Variants in DCTPP1 observed in about 807,000 individuals in gnomAD.
The protein encoded by DCTPP1 is dCTP pyrophosphatase 1.
A neutral mutation model predicts 8.8 loss-of-function variants in DCTPP1; 8 were observed. The observed-to-expected ratio is 0.91, with a 90% CI of 0.54 to 1.64. The LOEUF (loss-of-function observed/expected upper bound fraction) is 1.64. Among genes scored for constraint, DCTPP1 ranks in the 40% most tolerant of loss-of-function variants. The probability of loss-of-function intolerance (pLI) is 0.00; values close to 1 mark genes in which losing one functional copy is unlikely to be tolerated. For missense variants in DCTPP1, 231 were observed against 230.4 expected, an observed-to-expected ratio of 1.00 and a Z score of -0.02; for synonymous variants, 85 against 92.1, an observed-to-expected ratio of 0.92 and a Z score of 0.44.
chr16:30,427,645 T>C (rs1597038097), intron 2 of DCTPP1, among the ~76,000 whole-genome samples: 1 of 152,224 alleles, frequency 6.6e-6, no homozygotes, highest in Non-Finnish European at 1.5e-5. Context: ...CCTTTCTGCC[T>C]TGTTCCAGGC....
At chr16:30,429,283 C>G (rs956010620) in intron 1 of DCTPP1, 116 bp from the exon 2 acceptor site, 2 of 973,300 alleles carry the variant, frequency 2.1e-6, no homozygotes, top group African/African-American at 3.3e-5. Flanking sequence ...GATTCTGCAA[C>G]TAATTCATTG....
At position 30,430,020 on chromosome 16, in the gene DCTPP1, G is replaced by C; in HGVS notation, c.-40C>G. 1 of 1,422,234 alleles carries C rather than the reference G, an allele frequency of 7.0e-7. No homozygotes were observed. The highest frequency in any genetic ancestry group is 9.2e-7 in the Non-Finnish European group (1 of 1,083,980). The allele number at this position is 1,422,234 out of a possible 1,614,324, so 88.1% of individuals were successfully genotyped here. ...CACCGCGACTTCACGGAAAACCCAC[G>C]AGCCACGCTCGAAGCCCCGCCTCCA... On this transcript the variant is annotated 5_prime_UTR_variant, in exon 1 of 3. Transcript: ENST00000319285.
chr16:30,428,744 G>C, intron 2 of DCTPP1: 1 of 408,412 alleles, frequency 2.4e-6, no homozygotes, highest in Non-Finnish European at 4.3e-6. Flanking sequence ...TCCAGCCTGG[G>C]CGACAGAGCG....
In DCTPP1 at chr16:30,424,294, T is replaced by G. The variant is rs2050179673; in HGVS notation, c.452A>C (p.Glu151Ala). Residue 151 changes from glutamate to alanine, a missense_variant, in exon 3 of 3, where the codon GAA (glutamate) becomes GCA (alanine). Transcript: ENST00000319285. ...GTCCGCAGGCCCCACAGCCTGGTCTTCAGAGATGGCCCCATGGGGCAATTC... is the reference window on the plus strand; with the variant it reads ...GTCCGCAGGCCCCACAGCCTGGTCTGCAGAGATGGCCCCATGGGGCAATTC... ...YTELPHGAIS[E>A]DQAVGPADIP... is the part of the protein sequence containing the mutation. The G allele has an allele frequency of 1.9e-6, 3 of 1,614,118 alleles. No individual in the cohort carries two copies. The highest frequency in any genetic ancestry group is 1.7e-5 in the Admixed American group (1 of 60,012).
intron 1 of DCTPP1, 176 bp from the exon 2 acceptor site, chr16:30,429,343 C>T: frequency 3.4e-6 from 2 of 584,112 alleles, no homozygotes; most frequent in Non-Finnish European, 2.9e-6. Context: ...GTTCCCTCAT[C>T]TATAAAATGG....
At chr16:30,429,225 G>T in intron 1 of DCTPP1, 58 bp from the exon 2 acceptor site, 1 of 1,568,716 alleles carries the variant, frequency 6.4e-7, no homozygotes, top group Non-Finnish European at 8.7e-7. Flanking sequence ...TGATGCAGGG[G>T]CCAGAGGCAG....
chr16:30,429,753 G>C, intron 1 of DCTPP1, 127 bp downstream of exon 1: 1 of 889,298 alleles, frequency 1.1e-6, no homozygotes, highest in Non-Finnish European at 1.7e-6. Flanking sequence ...CTCACCCAGG[G>C]ACAGCCCACA....
chr16:30,427,585 T>C (rs1033070155), intron 2 of DCTPP1, among the ~76,000 whole-genome samples: 2 of 152,226 alleles, frequency 1.3e-5, no homozygotes, highest in Non-Finnish European at 2.9e-5. Flanking sequence ...GATCTTCTAA[T>C]ATGAGATTAC....
intron 1 of DCTPP1, 168 bp downstream of exon 1, chr16:30,429,704 GTGCACCGC>G (rs973318237): frequency 1.7e-4 from 99 of 596,086 alleles, no homozygotes; most frequent in Non-Finnish European, 2.5e-4. Flanking sequence ...TGCCTCAGGT[GTGCACCGC>G]TGCGCCCATT....
At chr16:30,425,189 T>C (rs1435583166) in intron 2 of DCTPP1, among the ~76,000 whole-genome samples, 4 of 151,866 alleles carry the variant, frequency 2.6e-5, no homozygotes, top group Non-Finnish European at 5.9e-5. Context: ...CCACACCATC[T>C]TTTAAAAGCA....
At position 30,424,523 on chromosome 16, in the gene DCTPP1, T is replaced by C. The variant is rs1490634992; in HGVS notation, c.223A>G (p.Thr75Ala). The change falls in exon 3 of 3, where the codon ACC becomes GCC. Residue 75 changes from threonine to alanine, a missense_variant. Coordinates refer to ENST00000319285, the MANE Select transcript of DCTPP1 (RefSeq NM_024096.2). The stretch of plus-strand genomic sequence containing the variant: ...CCTTGGGGGCCAGGTTCCCCATCGG[T>C]TTTCCACTGACTAGGGGCAGAACAC... Reference protein sequence around the residue: ...GELAELFQWKTDGEPGPQGWS... With the variant: ...GELAELFQWKADGEPGPQGWS... 6.2e-7 allele frequency: 1 copy of C among 1,613,402 alleles called. No homozygotes were observed. Among genetic ancestry groups the C allele is most frequent in the East Asian group, 2.2e-5 (1 of 44,866 alleles).
intron 2 of DCTPP1, among the ~76,000 whole-genome samples, chr16:30,427,869 C>T (rs536113090): frequency 9.9e-5 from 15 of 152,176 alleles, no homozygotes; most frequent in African/African-American, 1.4e-4. Context: ...TTGGTGGTGG[C>T]GCACGCCTGT....
chr16:30,429,677 C>T, intron 1 of DCTPP1: 2 of 535,662 alleles, frequency 3.7e-6, no homozygotes, highest in Non-Finnish European at 6.5e-6. Flanking sequence ...CACTCGGAGG[C>T]ACCACCCAAT....
chr16:30,426,765 T>C (rs1163258659), intron 2 of DCTPP1, among the ~76,000 whole-genome samples: 2 of 151,802 alleles, frequency 1.3e-5, no homozygotes, highest in Non-Finnish European at 2.9e-5. Context: ...AGTGGCACAA[T>C]CTTGGCTTAC....
chr16:30,429,976 G>T lies in DCTPP1; in HGVS notation c.5C>A (p.Ser2Tyr). The T allele has an allele frequency of 6.4e-7, 1 of 1,557,144 alleles. No homozygotes were observed. The highest frequency in any genetic ancestry group is 8.7e-7 in the Non-Finnish European group (1 of 1,152,486). M[S>Y]VAGGEIRGDT... is the part of the protein sequence containing the mutation. ...CCCACGAATCTCCCCACCGGCCACA[G>T]ACATGCCGCCCACCGCTGCACCGCG... Residue 2 changes from serine (S) to tyrosine (Y), a missense_variant, in exon 1 of 3, where the codon TCT becomes TAT. Transcript: ENST00000319285.
intron 2 of DCTPP1, 157 bp downstream of exon 2, chr16:30,428,900 G>C: frequency 1.4e-6 from 1 of 690,596 alleles, no homozygotes; most frequent in South Asian, 2.2e-5. Flanking sequence ...GCCCCTAGAG[G>C]GCAGGGACCC....
rs534875333 is a variant in DCTPP1, at chr16:30,424,029, T to C, written c.*204A>G. ...AGCCTCCCTGGCCATCCAGGAATAA[T>C]CTAGAAGTTATCGCCCAAAACCATT... On this transcript the variant is annotated 3_prime_UTR_variant, in exon 3 of 3. Transcript: ENST00000319285. The C allele has an allele frequency of 1.3e-4, 86 of 643,758 alleles. 1 individual carries two copies. Among genetic ancestry groups the C allele is most frequent in the Non-Finnish European group, 2.1e-4 (81 of 383,222 alleles). 39.9% of individuals were successfully genotyped at this position (643,758 alleles called of 1,614,324 possible). A position where few individuals can be genotyped will look rare whatever the true frequency, so the allele number is the denominator to read the frequency against.
At chr16:30,424,949 G>C (rs965508253) in intron 2 of DCTPP1, among the ~76,000 whole-genome samples, 2 of 152,176 alleles carry the variant, frequency 1.3e-5, no homozygotes, top group African/African-American at 4.8e-5. Flanking sequence ...AGTGCAATGG[G>C]GCGATACTGC....
At position 30,424,203 on chromosome 16, in the gene DCTPP1, C is replaced by A. The variant is rs773840691; in HGVS notation, c.*30G>T. ...GCCACTCTCTGCTCTTCAGACACCA[C>A]CCTGAGTTGCAAGTCCTGTGGCCAT... On this transcript the variant is annotated 3_prime_UTR_variant, in exon 3 of 3. Transcript: ENST00000319285. 20 of 1,607,848 alleles carry A rather than the reference C, an allele frequency of 1.2e-5. No homozygotes were observed. The South Asian group carries it at 2.2e-4, about 18-fold the overall frequency.
Sources: gnomAD v4.1 joint callset for allele counts (sites outside exome capture counted in the v4.1 genomes callset) on GRCh38, gnomAD v4.1.1 for gene constraint, MANE v1.5 for transcripts, NCBI Gene and HGNC (gene_info 2026-07-23, HGNC 2026-07-21) for gene names.